The following SLC41A3 variants were observed in gnomAD, a reference collection of about 807,000 sequenced individuals.
SLC41A3 encodes solute carrier family 41 member 3, also known as SLC41A1-like 2.
Under a neutral mutation model 45.4 loss-of-function variants are expected in SLC41A3, and 44 were observed. The observed-to-expected ratio is 0.97, with a 90% CI of 0.76 to 1.25. The LOEUF is 1.25. SLC41A3 is among the 50% of genes most tolerant of loss of function. SLC41A3 has a pLI of 0.00. For synonymous variants in SLC41A3, 256 were observed against 252.4 expected (o/e 1.01, Z -0.13); for missense variants, 550 against 600.6 (o/e 0.92, Z 0.88).
At chr3:126,057,637 G>A (rs987012439) in intron 2 of SLC41A3, among the ~76,000 whole-genome samples, 2 of 152,190 alleles carry the variant, frequency 1.3e-5, no homozygotes, top group African/African-American at 4.8e-5. Flanking sequence ...CTTAAGTGCA[G>A]ACCCCAGCCT....
chr3:126,022,766 TAGA>T lies in SLC41A3; in HGVS notation c.745+17_745+19del, dbSNP rs1559820859. On this transcript the variant is annotated intron_variant, in intron 6 of 10. Coordinates refer to ENST00000360370, the MANE Select transcript of SLC41A3 (RefSeq NM_017836.4). ...CCCCTCCACGGAGCCTTTGTGTCTA[TAGA>T]AGAAGACACTCTTTACCTTTGTGTC... 4.3e-6 allele frequency: 7 copies of T among 1,613,780 alleles called. No individual in the cohort carries two copies. In the East Asian group the frequency reaches 8.9e-5, roughly 21 times the overall value.
chr3:126,051,048 G>T lies in SLC41A3; in HGVS notation c.276C>A (p.His92Gln), dbSNP rs775170592. Residue 92 changes from histidine to glutamine, a missense_variant and splice_region_variant, in exon 3 of 11, where the codon CAC (histidine) becomes CAA (glutamine). By Grantham distance (24) the His-to-Gln change is conservative. Transcript: ENST00000360370. ...CTTTCACCTCCACAAACACAGGCCA[G>T]TGCTGGTAGGGAAACAGTAAGGAGA... ...WAGMLLDYFQ[H>Q]WPVFVEVKDL... 29 of 1,600,024 alleles carry T rather than the reference G, an allele frequency of 1.8e-5. No individual in the cohort carries two copies. In the South Asian group the frequency reaches 2.9e-4, roughly 16 times the overall value.
chr3:126,043,168 T>C (rs1022802044), intron 3 of SLC41A3, among the ~76,000 whole-genome samples: 1 of 152,076 alleles, frequency 6.6e-6, no homozygotes, highest in Non-Finnish European at 1.5e-5. Flanking sequence ...AAGAGACTCA[T>C]AACATACAAA....
chr3:126,042,415 TGAA>T (rs1942653970), intron 3 of SLC41A3, among the ~76,000 whole-genome samples: 1 of 151,786 alleles, frequency 6.6e-6, no homozygotes, highest in African/African-American at 2.4e-5. Flanking sequence ...GACTAATTGG[TGAA>T]GATTTTTCCC....
intron 2 of SLC41A3, chr3:126,067,544 C>T (rs1944413064): frequency 2.3e-6 from 1 of 438,360 alleles, no homozygotes; most frequent in Non-Finnish European, 4.5e-6. Context: ...CAGGAGAAAC[C>T]AATGCTGCCA....
chr3:126,027,982 A>C (rs13318271), intron 4 of SLC41A3, among the ~76,000 whole-genome samples: 8,292 of 152,280 alleles, frequency 0.054, 709 homozygotes, highest in African/African-American at 0.18. Flanking sequence ...TTTCTAATAA[A>C]CTATGCTCAT....
chr3:126,031,042 C>T (rs1048850078), intron 4 of SLC41A3, among the ~76,000 whole-genome samples: 2 of 152,158 alleles, frequency 1.3e-5, no homozygotes, highest in Admixed American at 6.5e-5. Flanking sequence ...TTCAATAAGT[C>T]GTTATTAAGA....
At chr3:126,084,994 C>T (rs1945345068), upstream of SLC41A3, among the ~76,000 whole-genome samples, 1 of 152,220 alleles carries the variant, frequency 6.6e-6, no homozygotes, top group Admixed American at 6.5e-5. Context: ...AAGCCTGCTA[C>T]CCTATCCGAA....
chr3:126,012,606 G>T lies in SLC41A3; in HGVS notation c.1105+9C>A. 6.2e-7 allele frequency: 1 copy of T among 1,613,922 alleles called. No homozygotes were observed. Among genetic ancestry groups the T allele is most frequent in the South Asian group, 1.1e-5 (1 of 91,060 alleles). On this transcript the variant is annotated intron_variant, in intron 9 of 10. Transcript: ENST00000360370. ...GGCTATCATGGCCTCTGAAAGACAT[G>T]ACACCCACCTGACGTGCAGAAAGTA...
At chr3:126,041,672 C>T (rs561893760) in intron 3 of SLC41A3, among the ~76,000 whole-genome samples, 38 of 152,278 alleles carry the variant, frequency 2.5e-4, no homozygotes, top group Admixed American at 1.6e-3. Flanking sequence ...AGTTTACTTC[C>T]AACAAATCTT....
At chr3:126,083,145 C>T (rs146427972) in intron 1 of SLC41A3, among the ~76,000 whole-genome samples, 1 of 152,334 alleles carries the variant, frequency 6.6e-6, no homozygotes, top group East Asian at 1.9e-4. Flanking sequence ...TCAGACTCCT[C>T]AAAGCCCTAA....
chr3:126,060,439 TACAC>T (rs60317078), intron 2 of SLC41A3, among the ~76,000 whole-genome samples: 3 of 146,410 alleles, frequency 2.0e-5, no homozygotes, highest in Non-Finnish European at 1.5e-5. Flanking sequence ...GTGAGAAGGA[TACAC>T]ACACACACAC....
chr3:126,048,384 T>G (rs1943102281), intron 3 of SLC41A3, among the ~76,000 whole-genome samples: 1 of 152,214 alleles, frequency 6.6e-6, no homozygotes, highest in African/African-American at 2.4e-5. Flanking sequence ...AAACGACTAT[T>G]TCCAGTGTGT....
chr3:126,043,360 A>T (rs1576292437), intron 3 of SLC41A3, among the ~76,000 whole-genome samples: 1 of 152,158 alleles, frequency 6.6e-6, no homozygotes, highest in African/African-American at 2.4e-5. Flanking sequence ...AAGGGAGTTC[A>T]TTATTACTAG....
intron 10 of SLC41A3, among the ~76,000 whole-genome samples, chr3:126,007,785 A>G (rs531555959): frequency 2.3e-3 from 350 of 152,276 alleles, no homozygotes; most frequent in South Asian, 0.011. Flanking sequence ...ACATACCACA[A>G]TTACAAATGC....
intron 2 of SLC41A3, among the ~76,000 whole-genome samples, chr3:126,059,300 A>AG (rs1943915678): frequency 3.9e-5 from 4 of 102,818 alleles, no homozygotes; most frequent in East Asian, 3.0e-4. Context: ...GAAAGAAAGA[A>AG]AGAAAGAAAG....
At chr3:126,078,845 G>A (rs2108079482) in intron 1 of SLC41A3, 1 of 152,276 alleles carries the variant, frequency 6.6e-6, no homozygotes, top group East Asian at 1.9e-4. Flanking sequence ...CATCTGATGA[G>A]AACAGAAACT....
intron 1 of SLC41A3, among the ~76,000 whole-genome samples, chr3:126,093,240 C>A (rs1945524689): frequency 6.6e-6 from 1 of 152,164 alleles, no homozygotes; most frequent in Non-Finnish European, 1.5e-5. Context: ...GCGAGTCAGG[C>A]TGCCAGATAG....
intron 2 of SLC41A3, among the ~76,000 whole-genome samples, chr3:126,052,769 C>T (rs1943417638): frequency 2.0e-5 from 3 of 152,182 alleles, no homozygotes; most frequent in Admixed American, 2.0e-4. Flanking sequence ...CATCTCGGCC[C>T]CTCTTCTTCC....
Sources: gnomAD v4.1 joint callset for allele counts (sites outside exome capture counted in the v4.1 genomes callset) on GRCh38, gnomAD v4.1.1 for gene constraint, MANE v1.5 for transcripts, NCBI Gene and HGNC (gene_info 2026-07-23, HGNC 2026-07-21) for gene names.